Variants in ARMC8 observed in about 807,000 individuals in gnomAD.
ARMC8 encodes the protein armadillo repeat-containing protein 8.
A neutral mutation model predicts 99.3 loss-of-function variants in ARMC8; 20 were observed. That is an observed-to-expected ratio of 0.20 (90% CI 0.14 to 0.29). The LOEUF (loss-of-function observed/expected upper bound fraction) is 0.29, where lower values mean the gene tolerates loss of function less well. Ranked by LOEUF, ARMC8 falls within the 10% of genes least tolerant of loss-of-function variation. The pLI is 1.00. For missense variants in ARMC8, 569 were observed against 809.5 expected (o/e 0.70, Z 3.60); for synonymous variants, 263 against 278.3 (o/e 0.95, Z 0.55).
intron 7 of ARMC8, among the ~76,000 whole-genome samples, chr3:138,236,934 C>T (rs1226915918): frequency 6.6e-6 from 1 of 152,186 alleles, no homozygotes; most frequent in Non-Finnish European, 1.5e-5. Context: ...TTCCCTGTCT[C>T]CAATCCATAC....
At chr3:138,191,334 C>G (rs2043370870) in intron 1 of ARMC8, among the ~76,000 whole-genome samples, 1 of 152,168 alleles carries the variant, frequency 6.6e-6, no homozygotes, top group African/African-American at 2.4e-5. Context: ...GCAATGTTTT[C>G]TATACTTTTG....
chr3:138,273,411 T>TA (rs2048969424), intron 17 of ARMC8, among the ~76,000 whole-genome samples: 1 of 152,210 alleles, frequency 6.6e-6, no homozygotes, highest in Non-Finnish European at 1.5e-5. Context: ...ACTTTTTTCT[T>TA]ACCTGGTATG....
At chr3:138,250,977 G>A (rs558581194) in intron 12 of ARMC8, among the ~76,000 whole-genome samples, 13 of 151,866 alleles carry the variant, frequency 8.6e-5, no homozygotes, top group African/African-American at 2.2e-4. Flanking sequence ...GCGAAACTCC[G>A]TCTCTACAAA....
intron 2 of ARMC8, among the ~76,000 whole-genome samples, chr3:138,214,420 T>A (rs1168135443): frequency 6.6e-6 from 1 of 151,948 alleles, no homozygotes. Context: ...ACTGATGATA[T>A]GAGTTTATTT....
intron 12 of ARMC8, chr3:138,245,764 A>C: frequency 1.0e-6 from 1 of 986,982 alleles, no homozygotes; most frequent in Non-Finnish European, 1.2e-6. Context: ...TTATGTTACT[A>C]AAGCCTAGTC....
chr3:138,252,526 T>G (rs1433179362), intron 12 of ARMC8, among the ~76,000 whole-genome samples: 4 of 149,692 alleles, frequency 2.7e-5, no homozygotes, highest in Non-Finnish European at 1.5e-5. Flanking sequence ...CGATCTCGGC[T>G]CACTGCAGCC....
chr3:138,295,823 C>A (rs757636153), intron 21 of ARMC8, 36 bp from the exon 22 acceptor site: 1 of 1,611,900 alleles, frequency 6.2e-7, no homozygotes, highest in Non-Finnish European at 8.5e-7. Context: ...AATTACAATT[C>A]TGAGATGATG....
chr3:138,280,873 C>G (rs2049836270), intron 18 of ARMC8, among the ~76,000 whole-genome samples: 1 of 152,178 alleles, frequency 6.6e-6, no homozygotes, highest in Admixed American at 6.5e-5. Flanking sequence ...AGGGATCCAC[C>G]TGCCTCGGCC....
At chr3:138,283,080 G>A (rs2050096137) in intron 18 of ARMC8, among the ~76,000 whole-genome samples, 1 of 152,168 alleles carries the variant, frequency 6.6e-6, no homozygotes, top group South Asian at 2.1e-4. Flanking sequence ...GTTCCCCAGT[G>A]TTTGCTTAGC....
chr3:138,229,413 A>T (rs1576687610), intron 6 of ARMC8, among the ~76,000 whole-genome samples: 1 of 147,548 alleles, frequency 6.8e-6, no homozygotes, highest in African/African-American at 2.5e-5. Flanking sequence ...TGGAGCATTT[A>T]GTTTGTTTCC....
intron 14 of ARMC8, among the ~76,000 whole-genome samples, chr3:138,264,979 C>A (rs1364798145): frequency 6.6e-6 from 1 of 151,750 alleles, no homozygotes; most frequent in East Asian, 1.9e-4. Context: ...CTCACTGCAG[C>A]CTTGTGCCCC....
intron 2 of ARMC8, among the ~76,000 whole-genome samples, chr3:138,218,192 A>G (rs2045185270): frequency 6.6e-6 from 1 of 152,156 alleles, no homozygotes; most frequent in South Asian, 2.1e-4. Flanking sequence ...AATGAATGCT[A>G]TGTTAAAGAT....
At chr3:138,277,880 C>T (rs2049458627) in intron 18 of ARMC8, among the ~76,000 whole-genome samples, 1 of 152,134 alleles carries the variant, frequency 6.6e-6, no homozygotes, top group Non-Finnish European at 1.5e-5. Context: ...CCTCAACAAA[C>T]TATGGTGCAT....
chr3:138,238,707 T>C (rs1326053616), intron 9 of ARMC8: 1 of 152,210 alleles, frequency 6.6e-6, no homozygotes, highest in African/African-American at 2.4e-5. Flanking sequence ...CTACAAATAT[T>C]TCAGCCGTCT....
chr3:138,240,811 A>AGTG (rs1347234745), intron 10 of ARMC8, among the ~76,000 whole-genome samples: 1 of 152,212 alleles, frequency 6.6e-6, no homozygotes, highest in East Asian at 1.9e-4. Context: ...TGTCCTTTCA[A>AGTG]GTGGATCCGT....
At chr3:138,237,275 A>C (rs2046380914) in intron 7 of ARMC8, 34 bp from the exon 8 acceptor site, 4 of 1,592,452 alleles carry the variant, frequency 2.5e-6, no homozygotes, top group East Asian at 2.2e-5. Context: ...TGCAGAATTA[A>C]ACACATTTTT....
intron 1 of ARMC8, 24 bp from the exon 2 acceptor site, chr3:138,209,793 A>G (rs769057888): frequency 1.2e-6 from 2 of 1,608,978 alleles, no homozygotes; most frequent in East Asian, 2.2e-5. Context: ...TTCAGATGTC[A>G]TAATTTTTCC....
At chr3:138,272,946 C>G in intron 16 of ARMC8, 21 bp from the exon 17 acceptor site, 1 of 1,504,730 alleles carries the variant, frequency 6.6e-7, no homozygotes, top group African/African-American at 1.4e-5. Flanking sequence ...ATGATTCTTG[C>G]AACTTCTTTA....
intron 12 of ARMC8, among the ~76,000 whole-genome samples, chr3:138,251,004 A>T (rs1050996542): frequency 1.2e-4 from 18 of 151,984 alleles, no homozygotes; most frequent in East Asian, 7.7e-4. Context: ...TACAAAAATT[A>T]TCCAGGCCCG....
Sources: allele counts gnomAD v4.1 joint callset (sites outside exome capture counted in the v4.1 genomes callset), GRCh38; gene constraint gnomAD v4.1.1; transcripts MANE v1.5; gene names NCBI Gene and HGNC (gene_info 2026-07-23, HGNC 2026-07-21).